The following CHD6 variants were observed in gnomAD, a reference collection of about 807,000 sequenced individuals.
CHD6 encodes the protein ATP-dependent chromatin remodeler CHD6.
Under a neutral mutation model 276.9 loss-of-function variants are expected in CHD6, and 50 were observed. That is an observed-to-expected ratio of 0.18 (90% CI 0.14 to 0.23). The LOEUF (loss-of-function observed/expected upper bound fraction) is 0.23. Ranked by LOEUF, CHD6 falls within the 10% of genes least tolerant of loss-of-function variation. CHD6 has a pLI of 1.00. For missense variants in CHD6, 2,564 were observed against 3,365.8 expected (o/e 0.76, Z 5.89); for synonymous variants, 1,173 against 1,229.3 (o/e 0.95, Z 0.96).
At chr20:41,497,942 TC>T in intron 7 of CHD6, 2 of 521,948 alleles carry the variant, frequency 3.8e-6, no homozygotes, top group South Asian at 4.7e-5. Context: ...GAGCCAATGG[TC>T]TTGGGTGGAG....
chr20:41,417,095 T>C, intron 32 of CHD6, 103 bp downstream of exon 32: 2 of 1,081,290 alleles, frequency 1.8e-6, no homozygotes, highest in South Asian at 1.6e-5. Context: ...TATTAAACAT[T>C]TCTGAGTTTC....
rs373255665 is a variant in CHD6, at chr20:41,514,790, C to T, written c.702+15G>A. The T allele has an allele frequency of 1.9e-5, 30 of 1,611,484 alleles. No individual in the cohort carries two copies. The highest frequency in any genetic ancestry group is 1.7e-4 in the Admixed American group (10 of 59,456). On this transcript the variant is annotated intron_variant, in intron 4 of 36. Coordinates refer to ENST00000373233, the MANE Select transcript of CHD6 (RefSeq NM_032221.5). The stretch of plus-strand genomic sequence containing the variant: ...GAGCCGTAATCTCCACCAGGCCTCC[C>T]GGTCACAGCTGTACCTGGCTGTCTG...
At chr20:41,454,763 C>T in intron 19 of CHD6, 27 bp from the exon 20 acceptor site, 2 of 1,536,158 alleles carry the variant, frequency 1.3e-6, no homozygotes, top group African/African-American at 1.4e-5. Flanking sequence ...AATTAATAAA[C>T]TGTGCTTGAA....
chr20:41,599,717 TTCTC>T (rs2045754769), intron 1 of CHD6, among the ~76,000 whole-genome samples: 1 of 152,232 alleles, frequency 6.6e-6, no homozygotes, highest in Non-Finnish European at 1.5e-5. Flanking sequence ...TCCTTCGTCT[TTCTC>T]TCTGTACACA....
intron 1 of CHD6, among the ~76,000 whole-genome samples, chr20:41,576,537 T>C (rs2045476373): frequency 6.6e-6 from 1 of 151,992 alleles, no homozygotes; most frequent in South Asian, 2.1e-4. Context: ...ATACAAAAAT[T>C]AGCTGGGCGT....
At chr20:41,417,679 T>C (rs1371793579) in intron 31 of CHD6, among the ~76,000 whole-genome samples, 4 of 152,188 alleles carry the variant, frequency 2.6e-5, no homozygotes, top group African/African-American at 4.8e-5. Context: ...TCTCACTTAG[T>C]GTAGTGGTCA....
chr20:41,611,866 G>C (rs1487128213), intron 1 of CHD6, among the ~76,000 whole-genome samples: 1 of 152,166 alleles, frequency 6.6e-6, no homozygotes, highest in Non-Finnish European at 1.5e-5. Context: ...TTGAATTCCT[G>C]ACCTCAGGTG....
chr20:41,416,022 G>T (rs140860448), intron 33 of CHD6, among the ~76,000 whole-genome samples: 2 of 152,148 alleles, frequency 1.3e-5, no homozygotes, highest in Non-Finnish European at 2.9e-5. Flanking sequence ...AGTCAGCATC[G>T]TTAGCTTGTC....
intron 23 of CHD6, 88 bp downstream of exon 23, chr20:41,450,858 G>T: frequency 8.2e-7 from 1 of 1,216,362 alleles, no homozygotes; most frequent in Non-Finnish European, 1.2e-6. Context: ...TAGCACAAGA[G>T]CATGAAGTGC....
chr20:41,610,312 G>A (rs2045873310), intron 1 of CHD6, among the ~76,000 whole-genome samples: 1 of 152,116 alleles, frequency 6.6e-6, no homozygotes, highest in East Asian at 1.9e-4. Context: ...ATGGGGAGAG[G>A]AGACGGAGAA....
At chr20:41,437,899 C>T (rs1183375207) in intron 26 of CHD6, among the ~76,000 whole-genome samples, 1 of 151,590 alleles carries the variant, frequency 6.6e-6, no homozygotes, top group East Asian at 1.9e-4. Flanking sequence ...GTTATCACTT[C>T]TACAGGCAAG....
At chr20:41,461,274 G>C (rs189767396) in intron 17 of CHD6, among the ~76,000 whole-genome samples, 11 of 152,344 alleles carry the variant, frequency 7.2e-5, no homozygotes, top group Admixed American at 5.9e-4. Context: ...AATGAGTTAA[G>C]ACTTTCGGGG....
Position 41,445,745 on chromosome 20 carries a change from TCAGGCAGAGGTA to T in CHD6, c.3785_3796del (p.Val1262_Pro1265del). On this transcript the variant is annotated inframe_deletion, in exon 25 of 37. Transcript: ENST00000373233. Reference sequence around the variant, plus strand: ...CACTGGGATCTCCATGTAGTCGATGTCAGGCAGAGGTACATCCAGCTCCCTAGGGAAGGAAGG... The same window carrying T: ...CACTGGGATCTCCATGTAGTCGATGTCATCCAGCTCCCTAGGGAAGGAAGG... 6.2e-7 allele frequency: 1 copy of T among 1,613,290 alleles called. No homozygotes were observed.
chr20:41,571,349 T>A (rs943120673), intron 1 of CHD6, among the ~76,000 whole-genome samples: 2 of 151,750 alleles, frequency 1.3e-5, no homozygotes, highest in African/African-American at 4.8e-5. Context: ...GGCTTCAGAG[T>A]TACCAATTTG....
chr20:41,526,814 A>G (rs1483271153), intron 3 of CHD6, among the ~76,000 whole-genome samples: 1 of 152,188 alleles, frequency 6.6e-6, no homozygotes, highest in Non-Finnish European at 1.5e-5. Context: ...CCTGGGAAAC[A>G]TGTTTCTCAA....
chr20:41,423,006 C>T (rs547576354), intron 30 of CHD6, among the ~76,000 whole-genome samples: 1 of 152,342 alleles, frequency 6.6e-6, no homozygotes, highest in East Asian at 1.9e-4. Flanking sequence ...GAAGCTGTTG[C>T]AAGTGCCAAC....
At chr20:41,436,459 T>C (rs1423146936) in intron 27 of CHD6, among the ~76,000 whole-genome samples, 3 of 152,150 alleles carry the variant, frequency 2.0e-5, no homozygotes, top group Admixed American at 2.0e-4. Flanking sequence ...AATTTGGCAA[T>C]TTCTTAAAAA....
chr20:41,578,359 A>G (rs1206807514), intron 1 of CHD6, among the ~76,000 whole-genome samples: 2 of 152,246 alleles, frequency 1.3e-5, no homozygotes, highest in African/African-American at 2.4e-5. Context: ...ACATAAAAAG[A>G]TATGGTGTAT....
At chr20:41,444,614 A>G (rs536155499) in intron 25 of CHD6, among the ~76,000 whole-genome samples, 86 of 152,342 alleles carry the variant, frequency 5.6e-4, no homozygotes, top group African/African-American at 2.0e-3. Flanking sequence ...ATAGCTGGTT[A>G]GCCTGTAAAA....
Sources: gnomAD v4.1 joint callset for allele counts (sites outside exome capture counted in the v4.1 genomes callset) on GRCh38, gnomAD v4.1.1 for gene constraint, MANE v1.5 for transcripts, NCBI Gene and HGNC (gene_info 2026-07-23, HGNC 2026-07-21) for gene names.